ELAVL4: variants seen among roughly 807,000 people sequenced by gnomAD.
The protein encoded by ELAVL4 is ELAV like RNA binding protein 4.
A neutral mutation model predicts 35.6 loss-of-function variants in ELAVL4; 1 was observed. The ratio of observed to expected loss-of-function variants is 0.03; its 90% CI spans 0.01 to 0.13. ELAVL4 has a LOEUF of 0.13. Among genes scored for constraint, ELAVL4 ranks in the 10% least tolerant of loss-of-function variants. The pLI, the probability that ELAVL4 is intolerant of heterozygous loss-of-function variation, is 1.00. For missense variants in ELAVL4, 267 were observed against 464.9 expected, an observed-to-expected ratio of 0.57 and a Z score of 3.91; for synonymous variants, 156 against 171.0, an observed-to-expected ratio of 0.91 and a Z score of 0.69.
intron 6 of ELAVL4, among the ~76,000 whole-genome samples, chr1:50,198,879 T>C (rs1378575745): frequency 2.8e-4 from 43 of 152,232 alleles, no homozygotes; most frequent in African/African-American, 2.4e-5. Context: ...CAATTAACTG[T>C]CACCAACTAG....
chr1:50,148,308 T>G (rs1674109882), intron 2 of ELAVL4, among the ~76,000 whole-genome samples: 1 of 152,178 alleles, frequency 6.6e-6, no homozygotes, highest in South Asian at 2.1e-4. Flanking sequence ...TGCAACATTG[T>G]GTTCTGCTGA....
At chr1:50,084,758 A>T (rs1202375052) in intron 1 of ELAVL4, among the ~76,000 whole-genome samples, 2 of 152,098 alleles carry the variant, frequency 1.3e-5, no homozygotes, top group Non-Finnish European at 2.9e-5. Flanking sequence ...TCCTTTAGGT[A>T]GGTGTCAGCT....
chr1:50,103,760 G>A (rs1666108368), upstream of ELAVL4: 1 of 637,254 alleles, frequency 1.6e-6, no homozygotes, highest in East Asian at 2.9e-5. Flanking sequence ...ATATGTGTGT[G>A]TGTGGATATG....
chr1:50,147,300 A>G (rs1483155147), intron 2 of ELAVL4, among the ~76,000 whole-genome samples: 1 of 152,232 alleles, frequency 6.6e-6, no homozygotes, highest in Non-Finnish European at 1.5e-5. Context: ...TAATAGAAGT[A>G]AAACTTGTGG....
intron 1 of ELAVL4, among the ~76,000 whole-genome samples, chr1:50,092,303 G>A (rs1054546053): frequency 1.3e-5 from 2 of 152,160 alleles, no homozygotes; most frequent in Non-Finnish European, 2.9e-5. Flanking sequence ...AATCTTATAG[G>A]TGTATGACCA....
chr1:50,133,580 GAGAAAGAAAGAAAGAAAGAAAAGAA>G (rs1413349876), intron 1 of ELAVL4, among the ~76,000 whole-genome samples: 2 of 89,460 alleles, frequency 2.2e-5, no homozygotes, highest in Admixed American at 1.2e-4. Context: ...GAAAGAGAGA[GAGAAAGAAAGAAAGAAAGAAAAGAA>G]AGAAAGAAAG....
intron 1 of ELAVL4, among the ~76,000 whole-genome samples, chr1:50,062,305 G>A (rs1272400321): frequency 6.6e-6 from 1 of 152,126 alleles, no homozygotes; most frequent in Non-Finnish European, 1.5e-5. Context: ...GCCCAGAGGA[G>A]GGACCTAATT....
At chr1:50,122,755 C>G (rs922531748) in intron 1 of ELAVL4, among the ~76,000 whole-genome samples, 1 of 152,054 alleles carries the variant, frequency 6.6e-6, no homozygotes, top group African/African-American at 2.4e-5. Context: ...GGAAGGTGGG[C>G]TTCCTTAGAA....
At chr1:50,100,409 C>A (rs1416997365), upstream of ELAVL4, among the ~76,000 whole-genome samples, 2 of 152,170 alleles carry the variant, frequency 1.3e-5, no homozygotes, top group Non-Finnish European at 1.5e-5. Context: ...GGCTAGGATG[C>A]GATGGCTGTC....
chr1:50,048,110 G>A, exon 1 of ELAVL4: 1 of 1,465,842 alleles, frequency 6.8e-7, no homozygotes, highest in Non-Finnish European at 9.0e-7. Context: ...CCCGCCCGCC[G>A]CGCTCCGCCC....
chr1:50,100,944 A>ATAT (rs138770452), upstream of ELAVL4, among the ~76,000 whole-genome samples: 5,398 of 151,586 alleles, frequency 0.036, 127 homozygotes, highest in East Asian at 0.057. Context: ...CCCATTCTAC[A>ATAT]TATTAGTAAT....
intron 3 of ELAVL4, among the ~76,000 whole-genome samples, chr1:50,192,854 G>T (rs1409354672): frequency 6.6e-6 from 1 of 152,116 alleles, no homozygotes; most frequent in African/African-American, 2.4e-5. Context: ...TGACTGCTGG[G>T]GTTTGCTTTG....
intron 1 of ELAVL4, among the ~76,000 whole-genome samples, chr1:50,060,154 G>A (rs184820513): frequency 1.8e-3 from 276 of 152,280 alleles, no homozygotes; most frequent in Non-Finnish European, 2.9e-3. Context: ...TTGAAATGAA[G>A]TTATTGTATG....
chr1:50,193,966 G>A, intron 4 of ELAVL4, 48 bp downstream of exon 4: 2 of 1,600,530 alleles, frequency 1.2e-6, no homozygotes, highest in Non-Finnish European at 1.7e-6. Flanking sequence ...AATGTCATCA[G>A]CCCTGTTACT....
rs564749916 is a variant in ELAVL4, at chr1:50,156,663, A to G, written c.250+11466A>G. Among the ~76,000 whole-genome samples, 5 of 152,344 alleles carry G rather than the reference A, an allele frequency of 3.3e-5. No homozygotes were observed. The South Asian group carries it at 1.0e-3, about 32-fold the overall frequency. ...CTGACCACATCTACAGTAGGTACAC[A>G]TTAGTGACCCCCTTATTTAGACAAG... is the stretch of plus-strand genomic sequence containing the variant. On this transcript the variant is annotated intron_variant, in intron 2 of 6. Coordinates refer to ENST00000371824, the MANE Select transcript of ELAVL4 (RefSeq NM_001144774.3).
chr1:50,121,064 C>G (rs1352318203), intron 1 of ELAVL4, among the ~76,000 whole-genome samples: 1 of 151,676 alleles, frequency 6.6e-6, no homozygotes, highest in East Asian at 1.9e-4. Context: ...AGTAAGTACT[C>G]AAAAAAAATG....
upstream of ELAVL4, among the ~76,000 whole-genome samples, chr1:50,101,090 TAAGG>T (rs1665953812): frequency 6.6e-6 from 1 of 152,022 alleles, no homozygotes; most frequent in South Asian, 2.1e-4. Context: ...CATTTTTCCC[TAAGG>T]AGATGTTCAG....
At chr1:50,050,712 TA>T (rs1289162936) in intron 1 of ELAVL4, among the ~76,000 whole-genome samples, 15 of 152,020 alleles carry the variant, frequency 9.9e-5, no homozygotes, top group Non-Finnish European at 2.1e-4. Flanking sequence ...ATTAGTAGCT[TA>T]AAAAAAATTG....
At chr1:50,152,316 C>A (rs1674934829) in intron 2 of ELAVL4, among the ~76,000 whole-genome samples, 1 of 152,044 alleles carries the variant, frequency 6.6e-6, no homozygotes, top group Non-Finnish European at 1.5e-5. Context: ...GTGAATCAGG[C>A]TGGGTATTTT....
Sources: gnomAD v4.1 joint callset for allele counts (sites outside exome capture counted in the v4.1 genomes callset) on GRCh38, gnomAD v4.1.1 for gene constraint, MANE v1.5 for transcripts, NCBI Gene and HGNC (gene_info 2026-07-23, HGNC 2026-07-21) for gene names.